NECAB1: variants seen among roughly 807,000 people sequenced by gnomAD.
NECAB1 encodes the protein N-terminal EF-hand calcium-binding protein 1.
NECAB1 carries 29 observed loss-of-function variants against 57.5 expected under a neutral mutation model. That is an observed-to-expected ratio of 0.50 (90% CI 0.38 to 0.69). NECAB1 has a LOEUF of 0.69. NECAB1 is among the 30% of genes least tolerant of loss of function. NECAB1 has a pLI of 0.00. For missense variants in NECAB1, 372 were observed against 413.8 expected (o/e 0.90, Z 0.88); for synonymous variants, 142 against 147.7 (o/e 0.96, Z 0.28).
At position 90,801,733 on chromosome 8, in the gene NECAB1, C is replaced by T. The variant is rs748210175; in HGVS notation, c.124+18C>T. 8 of 1,483,498 alleles carry T rather than the reference C, an allele frequency of 5.4e-6. No individual in the cohort carries two copies. The South Asian group carries it at 6.4e-5, about 12-fold the overall frequency. The allele number at this position is 1,483,498 out of a possible 1,614,324, so 91.9% of individuals were successfully genotyped here. A position where few individuals can be genotyped will look rare whatever the true frequency, so the allele number is the denominator to read the frequency against. Reference sequence around the variant, plus strand: ...CAAAAATGGTAAGACCAAAAATCTACAGTATCTATTTATTAATCTCTTACA... The same window carrying T: ...CAAAAATGGTAAGACCAAAAATCTATAGTATCTATTTATTAATCTCTTACA... On this transcript the variant is annotated intron_variant, in intron 2 of 12. Transcript: ENST00000417640.
In NECAB1 at chr8:90,906,883, A is replaced by ATATATATGTATATATATATATGTATG. The variant is rs1554574053; in HGVS notation, c.358-10602_358-10601insGTATATATATATATGTATGTATATAT. 4.1e-3 allele frequency among the ~76,000 whole-genome samples: 334 copies of ATATATATGTATATATATATATGTATG among 80,766 alleles called. 3 individuals are homozygous for ATATATATGTATATATATATATGTATG. The highest frequency in any genetic ancestry group is 6.3e-3 in the Non-Finnish European group (259 of 41,054). The allele number at this position is 80,766 out of a possible 152,430, so 53.0% of individuals were successfully genotyped here. A position where few individuals can be genotyped will look rare whatever the true frequency, so the allele number is the denominator to read the frequency against. ...CCTTACATATGATATACACATATAT[A>ATATATATGTATATATATATATGTATG]TATATATATATATATATATATATAT... On this transcript the variant is annotated intron_variant, in intron 5 of 12. Transcript: ENST00000417640.
At position 90,924,489 on chromosome 8, in the gene NECAB1, A is replaced by G. The variant is rs147172031; in HGVS notation, c.495-1046A>G. ...AGTACATTAATCTTAGATTTGTCTT[A>G]AACACAGAAGGATTATATCTTACAC... On this transcript the variant is annotated intron_variant, in intron 6 of 12. Transcript: ENST00000417640. 2.3e-3 allele frequency among the ~76,000 whole-genome samples: 353 copies of G among 152,334 alleles called. 3 individuals carry two copies. The highest frequency in any genetic ancestry group is 8.1e-3 in the African/African-American group (337 of 41,574).
intron 4 of NECAB1, among the ~76,000 whole-genome samples, chr8:90,878,968 GTCTC>G (rs59718423): frequency 1.7e-3 from 240 of 141,100 alleles, no homozygotes; most frequent in African/African-American, 5.9e-3. Context: ...ACTAATCACT[GTCTC>G]TCTCTCTCTC....
chr8:90,866,409 G>A (rs1808514061), intron 3 of NECAB1, among the ~76,000 whole-genome samples: 2 of 152,052 alleles, frequency 1.3e-5, no homozygotes, highest in African/African-American at 4.8e-5. Context: ...AACACTTTTA[G>A]GCTATTAAGG....
chr8:90,926,615 G>C (rs866881422), intron 7 of NECAB1, among the ~76,000 whole-genome samples: 1 of 152,126 alleles, frequency 6.6e-6, no homozygotes, highest in South Asian at 2.1e-4. Flanking sequence ...GTTGGATGTG[G>C]TTCCAGGCTG....
At chr8:90,937,077 A>G (rs1365945740) in intron 9 of NECAB1, among the ~76,000 whole-genome samples, 1 of 152,174 alleles carries the variant, frequency 6.6e-6, no homozygotes, top group Non-Finnish European at 1.5e-5. Flanking sequence ...GATGGTGGAG[A>G]CAGATGAAAG....
At chr8:90,917,709 C>G in intron 6 of NECAB1, 81 bp downstream of exon 6, 1 of 1,294,650 alleles carries the variant, frequency 7.7e-7, no homozygotes, top group Non-Finnish European at 1.0e-6. Flanking sequence ...TGTACTTACA[C>G]TAGCAAAAAC....
chr8:90,868,736 G>T (rs948144613), intron 3 of NECAB1, among the ~76,000 whole-genome samples: 1 of 152,152 alleles, frequency 6.6e-6, no homozygotes, highest in African/African-American at 2.4e-5. Flanking sequence ...AAGGGAAGCA[G>T]AGCATAAAAG....
intron 1 of NECAB1, among the ~76,000 whole-genome samples, chr8:90,792,250 C>G (rs574731157): frequency 3.3e-5 from 5 of 152,292 alleles, no homozygotes; most frequent in African/African-American, 9.6e-5. Flanking sequence ...GACACTATTG[C>G]AAATACAACA....
intron 3 of NECAB1, among the ~76,000 whole-genome samples, chr8:90,870,944 G>A (rs759478203): frequency 1.3e-5 from 2 of 152,068 alleles, no homozygotes; most frequent in Non-Finnish European, 2.9e-5. Context: ...ATTTAGTTAT[G>A]AAGATATAAT....
At chr8:90,798,525 C>G (rs893520359) in intron 1 of NECAB1, among the ~76,000 whole-genome samples, 7 of 152,144 alleles carry the variant, frequency 4.6e-5, no homozygotes, top group African/African-American at 1.7e-4. Flanking sequence ...GTTTAGCTCC[C>G]ACTTATAAGT....
At chr8:90,845,816 A>C (rs1317173717) in intron 3 of NECAB1, among the ~76,000 whole-genome samples, 4 of 152,152 alleles carry the variant, frequency 2.6e-5, no homozygotes, top group Non-Finnish European at 4.4e-5. Flanking sequence ...TATAGAAAAA[A>C]TTTTCCAAAG....
chr8:90,874,270 C>T (rs1202041598), intron 4 of NECAB1, among the ~76,000 whole-genome samples: 1 of 152,114 alleles, frequency 6.6e-6, no homozygotes, highest in Non-Finnish European at 1.5e-5. Flanking sequence ...TATGTTCTTT[C>T]CTAGAAGCCA....
chr8:90,955,468 A>C lies in NECAB1; in HGVS notation c.1031-19A>C, dbSNP rs1417634764. ...ATAAGTTATTTTCATTATTTTAGAA[A>C]ACATTTTTCTCTTTTCAGCTTCGTG... On this transcript the variant is annotated intron_variant, in intron 12 of 12. Transcript: ENST00000417640. 2.0e-6 allele frequency: 3 copies of C among 1,535,080 alleles called. No individual in the cohort carries two copies. In the Admixed American group the frequency reaches 6.0e-5, roughly 31 times the overall value.
intron 5 of NECAB1, among the ~76,000 whole-genome samples, chr8:90,913,313 G>A (rs927492704): frequency 6.6e-6 from 1 of 152,060 alleles, no homozygotes; most frequent in African/African-American, 2.4e-5. Flanking sequence ...CAAAAATGGA[G>A]GTATTAATAC....
chr8:90,808,248 C>T (rs574306603), intron 2 of NECAB1, among the ~76,000 whole-genome samples: 1 of 152,314 alleles, frequency 6.6e-6, no homozygotes, highest in South Asian at 2.1e-4. Context: ...ACAGCATAGA[C>T]TTATCCCAAA....
intron 9 of NECAB1, among the ~76,000 whole-genome samples, chr8:90,939,022 T>G (rs776865091): frequency 1.3e-5 from 2 of 152,160 alleles, no homozygotes; most frequent in East Asian, 3.9e-4. Flanking sequence ...TCCTCTAATA[T>G]AGGGGTTGGC....
At chr8:90,941,633 A>G (rs998890500) in intron 10 of NECAB1, among the ~76,000 whole-genome samples, 12 of 152,230 alleles carry the variant, frequency 7.9e-5, no homozygotes, top group African/African-American at 2.4e-4. Flanking sequence ...TCCTGACTCT[A>G]TATTTAATCC....
intron 3 of NECAB1, among the ~76,000 whole-genome samples, chr8:90,836,931 A>G (rs1171778397): frequency 6.6e-6 from 1 of 152,226 alleles, no homozygotes; most frequent in Non-Finnish European, 1.5e-5. Context: ...GCAATGGCTC[A>G]TATTTACTAT....
Sources: gnomAD v4.1 joint callset for allele counts (sites outside exome capture counted in the v4.1 genomes callset) on GRCh38, gnomAD v4.1.1 for gene constraint, MANE v1.5 for transcripts, NCBI Gene and HGNC (gene_info 2026-07-23, HGNC 2026-07-21) for gene names.